SNX29: variants seen among roughly 807,000 people sequenced by gnomAD.
SNX29 encodes the protein sorting nexin-29.
SNX29 carries 78 observed loss-of-function variants against 102.1 expected under a neutral mutation model. The observed-to-expected ratio is 0.76, with a 90% confidence interval of 0.64 to 0.92. The LOEUF is 0.92. Ranked by LOEUF, SNX29 falls within the 40% of genes least tolerant of loss-of-function variation. The probability of loss-of-function intolerance (pLI) is 0.00; values close to 1 mark genes in which losing one functional copy is unlikely to be tolerated. For missense variants in SNX29, 1,280 were observed against 1,061.7 expected (o/e 1.21, Z -2.86); for synonymous variants, 580 against 414.5 (o/e 1.40, Z -4.85).
intron 20 of SNX29, among the ~76,000 whole-genome samples, chr16:12,564,481 A>C (rs1284969243): frequency 6.6e-6 from 1 of 152,224 alleles, no homozygotes; most frequent in Non-Finnish European, 1.5e-5. Context: ...ATCTTTCTCC[A>C]AGGTCTAGAG....
intron 13 of SNX29, among the ~76,000 whole-genome samples, chr16:12,176,187 A>G (rs2076256196): frequency 6.6e-6 from 1 of 152,182 alleles, no homozygotes. Context: ...CAGAACTGTG[A>G]GAAATACATT....
chr16:12,452,370 A>AGTAGAGAAAACTGTGGGGTATCTGGAGCT (rs2086341835), intron 18 of SNX29, among the ~76,000 whole-genome samples: 11 of 143,436 alleles, frequency 7.7e-5, no homozygotes, highest in Non-Finnish European at 1.5e-5. Context: ...CTCCCATACA[A>AGTAGAGAAAACTGTGGGGTATCTGGAGCT]GACTGTGTTC....
chr16:12,418,690 T>C (rs1045543696), intron 18 of SNX29, among the ~76,000 whole-genome samples: 2 of 152,294 alleles, frequency 1.3e-5, no homozygotes, highest in South Asian at 4.1e-4. Context: ...AATTTTTGTA[T>C]TTTTAGTAGA....
intron 14 of SNX29, among the ~76,000 whole-genome samples, chr16:12,218,973 A>C (rs998939702): frequency 2.0e-5 from 3 of 152,078 alleles, no homozygotes; most frequent in East Asian, 1.9e-4. Context: ...ACGGGGTTTC[A>C]CTGTGTTAGC....
chr16:12,542,714 TTTTACTC>T (rs1333290575), intron 20 of SNX29, among the ~76,000 whole-genome samples: 2 of 151,406 alleles, frequency 1.3e-5, no homozygotes, highest in African/African-American at 4.8e-5. Context: ...GGTCCCAGTC[TTTTACTC>T]TTAAATCTTG....
At chr16:12,378,996 T>A (rs1046431179) in intron 16 of SNX29, among the ~76,000 whole-genome samples, 1 of 152,188 alleles carries the variant, frequency 6.6e-6, no homozygotes, top group African/African-American at 2.4e-5. Context: ...ATATGCTGAT[T>A]GACTGAAGTC....
At chr16:12,137,903 T>G (rs2054720710) in intron 13 of SNX29, among the ~76,000 whole-genome samples, 1 of 152,202 alleles carries the variant, frequency 6.6e-6, no homozygotes, top group African/African-American at 2.4e-5. Flanking sequence ...ATCTCCCCAG[T>G]TCAGAACACC....
intron 17 of SNX29, among the ~76,000 whole-genome samples, chr16:12,399,657 G>A (rs2083861961): frequency 6.6e-6 from 1 of 152,184 alleles, no homozygotes; most frequent in African/African-American, 2.4e-5. Flanking sequence ...CAGAGCTTGT[G>A]GTGGCGATGA....
intron 1 of SNX29, among the ~76,000 whole-genome samples, chr16:11,993,934 A>G (rs1482269547): frequency 6.6e-6 from 1 of 152,196 alleles, no homozygotes; most frequent in Non-Finnish European, 1.5e-5. Context: ...CAGCCTGGCC[A>G]ACATGGTGAA....
chr16:12,040,916 C>T lies in SNX29; in HGVS notation c.248-1981C>T, dbSNP rs936528251. Among the ~76,000 whole-genome samples, 13 of 152,246 alleles carry T rather than the reference C, an allele frequency of 8.5e-5. No homozygotes were observed. In the South Asian group the frequency reaches 1.4e-3, roughly 17 times the overall value. ...GCAACCTCCGTCTCCTGGGTTCAAG[C>T]GATTCTCCTGCCTCAGCCTCCCAAG... is the stretch of plus-strand genomic sequence containing the variant. On this transcript the variant is annotated intron_variant, in intron 4 of 20. Transcript: ENST00000566228.
intron 20 of SNX29, chr16:12,527,130 C>T (rs920514154): frequency 1.8e-5 from 9 of 493,918 alleles, no homozygotes; most frequent in Admixed American, 1.5e-4. Flanking sequence ...CTCACTGTTC[C>T]AAATCCCACA....
intron 12 of SNX29, 80 bp downstream of exon 12, chr16:12,126,776 G>A: frequency 6.6e-7 from 1 of 1,522,026 alleles, no homozygotes; most frequent in Non-Finnish European, 9.0e-7. Flanking sequence ...TAACAGATGA[G>A]GGACATTTTG....
intron 18 of SNX29, among the ~76,000 whole-genome samples, chr16:12,424,695 G>A (rs909773743): frequency 2.0e-5 from 3 of 152,164 alleles, no homozygotes; most frequent in Non-Finnish European, 4.4e-5. Context: ...AATAGACCTT[G>A]TTGTTCCGAG....
At chr16:12,051,738 A>G in intron 7 of SNX29, 109 bp from the exon 8 acceptor site, 2 of 1,435,854 alleles carry the variant, frequency 1.4e-6, no homozygotes, top group Admixed American at 2.5e-5. Flanking sequence ...GTTACAGTGT[A>G]TTTCTCACTC....
chr16:12,035,110 C>G (rs1362832993), intron 4 of SNX29, among the ~76,000 whole-genome samples: 1 of 152,038 alleles, frequency 6.6e-6, no homozygotes. Context: ...TGCTTTGCTC[C>G]TTTCAGAATG....
intron 4 of SNX29, among the ~76,000 whole-genome samples, chr16:12,028,788 G>A (rs80225529): frequency 0.011 from 1,726 of 151,996 alleles, 91 homozygotes; most frequent in Admixed American, 0.099. Flanking sequence ...TGCTCTTGTC[G>A]CCCAGGCTGG....
At chr16:12,161,596 T>A (rs960927169) in intron 13 of SNX29, among the ~76,000 whole-genome samples, 5 of 152,180 alleles carry the variant, frequency 3.3e-5, no homozygotes, top group Non-Finnish European at 5.9e-5. Context: ...CGTTAAAATG[T>A]GATTCCTAAT....
intron 19 of SNX29, among the ~76,000 whole-genome samples, chr16:12,509,232 T>C (rs1447549127): frequency 6.6e-6 from 1 of 151,964 alleles, no homozygotes; most frequent in African/African-American, 2.4e-5. Flanking sequence ...TGGAATCGAG[T>C]GTGAAGGGAT....
At chr16:12,215,120 C>G (rs972600283) in intron 14 of SNX29, among the ~76,000 whole-genome samples, 5 of 152,142 alleles carry the variant, frequency 3.3e-5, no homozygotes, top group African/African-American at 1.2e-4. Context: ...TTGCTAGACC[C>G]TGTGCTAACT....
Sources: allele counts gnomAD v4.1 joint callset (sites outside exome capture counted in the v4.1 genomes callset), GRCh38; gene constraint gnomAD v4.1.1; transcripts MANE v1.5; gene names NCBI Gene and HGNC (gene_info 2026-07-23, HGNC 2026-07-21).